TAB2: variants seen among roughly 807,000 people sequenced by gnomAD.
TAB2 encodes TGF-beta activated kinase 1 (MAP3K7) binding protein 2.
A neutral mutation model predicts 65.0 loss-of-function variants in TAB2; 3 were observed. That is an observed-to-expected ratio of 0.05 (90% CI 0.02 to 0.12). TAB2 has a LOEUF of 0.12. Among genes scored for constraint, TAB2 ranks in the 10% least tolerant of loss-of-function variants. TAB2 has a pLI of 1.00. For missense variants in TAB2, 623 were observed against 840.3 expected (o/e 0.74, Z 3.20); for synonymous variants, 298 against 285.1 (o/e 1.05, Z -0.46).
At chr6:149,218,597 T>TTG, upstream of TAB2, 1 of 296,286 alleles carries the variant, frequency 3.4e-6, no homozygotes, top group South Asian at 3.0e-5. Flanking sequence ...GGGTAGGGGT[T>TTG]GAAAGACACT....
upstream of TAB2, among the ~76,000 whole-genome samples, chr6:149,218,322 C>T (rs764228241): frequency 2.0e-5 from 3 of 152,048 alleles, no homozygotes; most frequent in Non-Finnish European, 2.9e-5. Context: ...GAACACTGCA[C>T]ATGTTTTATG....
chr6:149,336,433 T>C (rs1359927537), intron 1 of TAB2, among the ~76,000 whole-genome samples: 1 of 152,152 alleles, frequency 6.6e-6, no homozygotes, highest in Non-Finnish European at 1.5e-5. Context: ...TGGGGGCACT[T>C]GCTGAGTACT....
intron 1 of TAB2, chr6:149,320,927 C>G (rs1324616810): frequency 6.6e-6 from 1 of 152,116 alleles, no homozygotes; most frequent in Non-Finnish European, 1.5e-5. Flanking sequence ...TTTATTTGAT[C>G]TAACATTGGG....
intron 1 of TAB2, among the ~76,000 whole-genome samples, chr6:149,352,068 GC>G (rs1268884121): frequency 2.0e-5 from 3 of 152,006 alleles, no homozygotes; most frequent in African/African-American, 7.2e-5. Flanking sequence ...AATAGTAAAG[GC>G]CAATACTTTG....
chr6:149,326,557 T>A (rs986999053), intron 1 of TAB2, among the ~76,000 whole-genome samples: 5 of 152,010 alleles, frequency 3.3e-5, no homozygotes, highest in Non-Finnish European at 5.9e-5. Flanking sequence ...TTATTATTTT[T>A]TTTTTTTTGA....
intron 1 of TAB2, among the ~76,000 whole-genome samples, chr6:149,352,477 C>T (rs913104498): frequency 1.3e-5 from 2 of 152,170 alleles, no homozygotes; most frequent in Non-Finnish European, 2.9e-5. Flanking sequence ...TGATTGACTT[C>T]ATTTTAATAA....
At chr6:149,243,864 T>G (rs1777648440) in intron 1 of TAB2, 1 of 152,246 alleles carries the variant, frequency 6.6e-6, no homozygotes, top group Non-Finnish European at 1.5e-5. Flanking sequence ...CTGTGAAATC[T>G]GAAAACATCT....
At chr6:149,338,636 G>A (rs1411962568) in intron 1 of TAB2, among the ~76,000 whole-genome samples, 2 of 152,184 alleles carry the variant, frequency 1.3e-5, no homozygotes, top group African/African-American at 2.4e-5. Flanking sequence ...TTGTTGGAGT[G>A]TAAAATTTCC....
rs773614769 is a variant in TAB2, at chr6:149,378,130, G to A, written c.215G>A (p.Arg72His). 5.3e-5 allele frequency: 85 copies of A among 1,614,032 alleles called. No individual in the cohort carries two copies. Among genetic ancestry groups the A allele is most frequent in the Non-Finnish European group, 6.9e-5 (82 of 1,180,042 alleles). Residue 72 changes from arginine (R) to histidine (H), a missense_variant, in exon 3 of 7, where the codon CGC becomes CAC. Coordinates refer to ENST00000637181, the MANE Select transcript of TAB2 (RefSeq NM_001292034.3). Reference sequence around the variant, plus strand: ...GATGATTCTGGAATTTCTGGTCTACGCAATCACATGACTTCTCTCAACTTG... The same window carrying A: ...GATGATTCTGGAATTTCTGGTCTACACAATCACATGACTTCTCTCAACTTG... ...FSDDSGISGLRNHMTSLNLDL... is the reference protein window; with the variant it reads ...FSDDSGISGLHNHMTSLNLDL...
chr6:149,400,345 G>T (rs139591747), intron 6 of TAB2: 17 of 1,591,810 alleles, frequency 1.1e-5, no homozygotes, highest in Non-Finnish European at 1.4e-5. Context: ...GTGCGGACCC[G>T]CCACCTCTTT....
intron 1 of TAB2, among the ~76,000 whole-genome samples, chr6:149,368,963 C>A (rs1185602012): frequency 6.6e-6 from 1 of 151,978 alleles, no homozygotes; most frequent in Non-Finnish European, 1.5e-5. Context: ...AAAAGAGACC[C>A]AATTTCTACA....
rs115175566 is a variant in TAB2, at chr6:149,345,332, G to A, written c.-89-24577G>A. On this transcript the variant is annotated intron_variant, in intron 1 of 6. Coordinates refer to ENST00000637181, the MANE Select transcript of TAB2 (RefSeq NM_001292034.3). ...AGTAACTGTAAATCTCATCTATCAA[G>A]CATCCTGATAATTGGTCAGTGCTGC... 6.8e-3 allele frequency among the ~76,000 whole-genome samples: 1,028 copies of A among 152,164 alleles called. 9 individuals carry two copies. The highest frequency in any genetic ancestry group is 0.024 in the African/African-American group (978 of 41,508).
intron 1 of TAB2, chr6:149,321,144 T>G (rs1030914380): frequency 2.0e-5 from 3 of 152,210 alleles, no homozygotes; most frequent in African/African-American, 7.2e-5. Context: ...CAAAGGAGAT[T>G]GTCTCTGAAC....
chr6:149,227,636 G>T (rs1053379885), intron 1 of TAB2, among the ~76,000 whole-genome samples: 5 of 152,208 alleles, frequency 3.3e-5, no homozygotes, highest in African/African-American at 1.2e-4. Flanking sequence ...ATAAAACTGC[G>T]ATTGCCCCCA....
At chr6:149,231,172 C>T (rs1777398326) in intron 1 of TAB2, among the ~76,000 whole-genome samples, 1 of 152,210 alleles carries the variant, frequency 6.6e-6, no homozygotes, top group South Asian at 2.1e-4. Context: ...TGAACTTTTA[C>T]ACCAGTATTT....
At chr6:149,260,993 A>G (rs73781724) in intron 1 of TAB2, among the ~76,000 whole-genome samples, 285 of 152,338 alleles carry the variant, frequency 1.9e-3, no homozygotes, top group African/African-American at 6.4e-3. Context: ...TTAAACATGC[A>G]TTTAAGTCAT....
At chr6:149,355,851 T>C (rs1780637668) in intron 1 of TAB2, among the ~76,000 whole-genome samples, 2 of 152,082 alleles carry the variant, frequency 1.3e-5, no homozygotes, top group South Asian at 2.1e-4. Context: ...TTGAGAAATA[T>C]TGCATCTGCT....
At chr6:149,236,723 G>A (rs1261345986) in intron 1 of TAB2, among the ~76,000 whole-genome samples, 1 of 152,196 alleles carries the variant, frequency 6.6e-6, no homozygotes, top group Non-Finnish European at 1.5e-5. Flanking sequence ...GAGTTATCTG[G>A]CAATGCTGCA....
At position 149,264,846 on chromosome 6, in the gene TAB2, C is replaced by A. The variant is rs180794362; in HGVS notation, c.-121+46070C>A. On this transcript the variant is annotated intron_variant, in intron 1 of 1. Coordinates refer to the TAB2 transcript ENST00000606202. ...TCAAAGGGAGCAGATGAAGTACCGG[C>A]AGCACTGGCTTCAGAGAAGAACTGT... 1.2e-3 allele frequency among the ~76,000 whole-genome samples: 181 copies of A among 152,352 alleles called. 1 individual carries two copies. Among genetic ancestry groups the A allele is most frequent in the South Asian group, 3.3e-3 (16 of 4,834 alleles).
Sources: allele counts gnomAD v4.1 joint callset (sites outside exome capture counted in the v4.1 genomes callset), GRCh38; gene constraint gnomAD v4.1.1; transcripts MANE v1.5; gene names NCBI Gene and HGNC (gene_info 2026-07-23, HGNC 2026-07-21).